The following CDKL3 variants were observed in gnomAD, a reference collection of about 807,000 sequenced individuals.
CDKL3 encodes the protein cyclin-dependent kinase-like 3.
Under a neutral mutation model 69.3 loss-of-function variants are expected in CDKL3, and 65 were observed. That is an observed-to-expected ratio of 0.94 (90% CI 0.77 to 1.15). The LOEUF (loss-of-function observed/expected upper bound fraction) is 1.15. Ranked by LOEUF, CDKL3 falls within the 50% of genes most tolerant of loss-of-function variation. The pLI, the probability that CDKL3 is intolerant of heterozygous loss-of-function variation, is 0.00. For missense variants in CDKL3, 652 were observed against 689.2 expected, an observed-to-expected ratio of 0.95 and a Z score of 0.61; for synonymous variants, 202 against 221.6, an observed-to-expected ratio of 0.91 and a Z score of 0.79.
intron 2 of CDKL3, among the ~76,000 whole-genome samples, chr5:134,361,508 A>G (rs1756009797): frequency 6.6e-6 from 1 of 152,248 alleles, no homozygotes; most frequent in South Asian, 2.1e-4. Flanking sequence ...AGAGAAAAAC[A>G]TCCAAAATAT....
chr5:134,328,572 A>T (rs1436484148), intron 4 of CDKL3, among the ~76,000 whole-genome samples: 1 of 152,182 alleles, frequency 6.6e-6, no homozygotes, highest in Non-Finnish European at 1.5e-5. Flanking sequence ...GTATACTAGG[A>T]ATATAAAAAT....
At chr5:134,319,241 G>A in intron 6 of CDKL3, 117 bp downstream of exon 6, 10 of 702,536 alleles carry the variant, frequency 1.4e-5, no homozygotes, top group Non-Finnish European at 2.1e-5. Flanking sequence ...TGAGGCAGGA[G>A]AATCTCATGA....
At chr5:134,286,740 T>G (rs1764883681) in intron 8 of CDKL3, among the ~76,000 whole-genome samples, 1 of 152,030 alleles carries the variant, frequency 6.6e-6, no homozygotes, top group African/African-American at 2.4e-5. Context: ...AACCATCAGA[T>G]CTCATGAGAC....
At chr5:134,370,595 A>G (rs530001652), upstream of CDKL3, among the ~76,000 whole-genome samples, 27 of 152,356 alleles carry the variant, frequency 1.8e-4, no homozygotes, top group Non-Finnish European at 2.9e-4. Context: ...ACTCTGACAC[A>G]TATCTTCAAT....
chr5:134,355,099 TA>T (rs949932761), intron 3 of CDKL3, among the ~76,000 whole-genome samples: 14 of 136,860 alleles, frequency 1.0e-4, no homozygotes, highest in Non-Finnish European at 1.7e-4. Flanking sequence ...TACTAAAAAT[TA>T]AAAAAAAAAG....
intron 4 of CDKL3, among the ~76,000 whole-genome samples, chr5:134,333,300 C>A (rs1776253575): frequency 2.6e-5 from 4 of 152,090 alleles, no homozygotes; most frequent in Admixed American, 2.0e-4. Flanking sequence ...AATTGAATAC[C>A]CTTTATTTCT....
chr5:134,343,177 C>T (rs558500356), intron 4 of CDKL3, among the ~76,000 whole-genome samples: 14 of 151,178 alleles, frequency 9.3e-5, no homozygotes, highest in Non-Finnish European at 1.6e-4. Context: ...TGCACTCCAG[C>T]CTGGGCAACA....
chr5:134,309,159 C>T (rs973588782), intron 7 of CDKL3, among the ~76,000 whole-genome samples: 9 of 152,250 alleles, frequency 5.9e-5, no homozygotes, highest in African/African-American at 2.2e-4. Flanking sequence ...AATCTCATCT[C>T]GCCACAACTT....
upstream of CDKL3, chr5:134,367,290 G>T (rs1476517355): frequency 3.0e-6 from 3 of 985,376 alleles, no homozygotes; most frequent in East Asian, 3.4e-4. Context: ...TGGGAATGGG[G>T]GAGGGGAGTA....
intron 5 of CDKL3, among the ~76,000 whole-genome samples, chr5:134,320,312 CA>C (rs949224380): frequency 1.3e-5 from 2 of 152,178 alleles, no homozygotes; most frequent in Non-Finnish European, 2.9e-5. Flanking sequence ...TCCTCATCCA[CA>C]AATAATAAAA....
At chr5:134,303,898 T>C (rs370608754) in intron 11 of CDKL3, among the ~76,000 whole-genome samples, 1 of 151,700 alleles carries the variant, frequency 6.6e-6, no homozygotes, top group East Asian at 1.9e-4. Context: ...TTTAAAGCTG[T>C]CTTAACCTCT....
At chr5:134,296,163 C>T (rs1765338372), downstream of CDKL3, among the ~76,000 whole-genome samples, 1 of 152,152 alleles carries the variant, frequency 6.6e-6, no homozygotes, top group Non-Finnish European at 1.5e-5. Flanking sequence ...TCCCAAAGTG[C>T]TGGGATTACA....
chr5:134,363,510 G>C (rs1209589201), intron 2 of CDKL3, among the ~76,000 whole-genome samples: 3 of 147,388 alleles, frequency 2.0e-5, no homozygotes, highest in African/African-American at 7.6e-5. Context: ...GCCCAGACTG[G>C]AGTGCAGTGG....
chr5:134,324,982 TAAAACTGGTCTA>T (rs1226153959), intron 4 of CDKL3, among the ~76,000 whole-genome samples: 1 of 152,174 alleles, frequency 6.6e-6, no homozygotes, highest in Non-Finnish European at 1.5e-5. Context: ...TTCTGGAGCC[TAAAACTGGTCTA>T]AAAATTAAAG....
chr5:134,366,158 A>G (rs1341675872), intron 2 of CDKL3, among the ~76,000 whole-genome samples: 1 of 152,208 alleles, frequency 6.6e-6, no homozygotes, highest in Admixed American at 6.5e-5. Flanking sequence ...ATTAAACAAT[A>G]TTGGTGTAGC....
At chr5:134,336,658 T>A (rs1777179678) in intron 4 of CDKL3, among the ~76,000 whole-genome samples, 1 of 152,212 alleles carries the variant, frequency 6.6e-6, no homozygotes, top group African/African-American at 2.4e-5. Flanking sequence ...CAGCGGAGGC[T>A]GCAGAACAGC....
downstream of CDKL3, among the ~76,000 whole-genome samples, chr5:134,286,137 C>A (rs1266112968): frequency 6.6e-6 from 1 of 151,950 alleles, no homozygotes; most frequent in East Asian, 1.9e-4. Context: ...AAAAAAACAA[C>A]AACAACAAAA....
At position 134,350,217 on chromosome 5, in the gene CDKL3, G is replaced by A. The variant is rs773288606; in HGVS notation, c.539+32C>T. 19 of 1,467,414 alleles carry A rather than the reference G, an allele frequency of 1.3e-5. No homozygotes were observed. In the East Asian group the frequency reaches 4.6e-4, roughly 35 times the overall value. The allele number at this position is 1,467,414 out of a possible 1,614,324, so 90.9% of individuals were successfully genotyped here. On this transcript the variant is annotated intron_variant, in intron 4 of 12. Transcript: ENST00000265334. ...AATAAACAAAAAAAGAGATACCTAGGAAAGGCTGACAGGATCCCAAAATAC... is the reference window on the plus strand; with the variant it reads ...AATAAACAAAAAAAGAGATACCTAGAAAAGGCTGACAGGATCCCAAAATAC...
chr5:134,367,117 C>G lies in CDKL3; in HGVS notation c.-162G>C. 1.0e-6 allele frequency: 1 copy of G among 985,910 alleles called. No homozygotes were observed. Among genetic ancestry groups the G allele is most frequent in the Non-Finnish European group, 1.2e-6 (1 of 830,298 alleles). 61.1% of individuals were successfully genotyped at this position (985,910 alleles called of 1,614,324 possible). Reference sequence around the variant, plus strand: ...CTGATACTACTTTGTTGCTCAGCCCCGCAAGGAACCGGCCACTTGCCACCA... The same window carrying G: ...CTGATACTACTTTGTTGCTCAGCCCGGCAAGGAACCGGCCACTTGCCACCA... On this transcript the variant is annotated 5_prime_UTR_variant, in exon 1 of 13. Transcript: ENST00000265334.
Sources: allele counts gnomAD v4.1 joint callset (sites outside exome capture counted in the v4.1 genomes callset), GRCh38; gene constraint gnomAD v4.1.1; transcripts MANE v1.5; gene names NCBI Gene and HGNC (gene_info 2026-07-23, HGNC 2026-07-21).